The following TMEM132D variants were observed in gnomAD, a reference collection of about 807,000 sequenced individuals.
TMEM132D encodes the protein mature OL transmembrane protein.
A neutral mutation model predicts 62.3 loss-of-function variants in TMEM132D; 21 were observed. The observed-to-expected ratio is 0.34, with a 90% CI of 0.24 to 0.49. TMEM132D has a LOEUF of 0.49. TMEM132D is among the 20% of genes least tolerant of loss of function. The pLI is 0.99. For missense variants in TMEM132D, 1,346 were observed against 1,402.8 expected, an observed-to-expected ratio of 0.96 and a Z score of 0.65; for synonymous variants, 621 against 575.6, an observed-to-expected ratio of 1.08 and a Z score of -1.13.
chr12:129,805,608 A>T (rs112528304), intron 1 of TMEM132D, among the ~76,000 whole-genome samples: 2 of 152,048 alleles, frequency 1.3e-5, no homozygotes, highest in Non-Finnish European at 2.9e-5. Flanking sequence ...AACCTAGGCA[A>T]TACCATTCAG....
At chr12:129,301,223 CTGTT>C (rs1259194611) in intron 4 of TMEM132D, among the ~76,000 whole-genome samples, 2 of 152,130 alleles carry the variant, frequency 1.3e-5, no homozygotes, top group East Asian at 3.9e-4. Context: ...TTGTGCTGTC[CTGTT>C]TATTTAAGCT....
At chr12:129,293,625 C>T (rs1426674965) in intron 4 of TMEM132D, among the ~76,000 whole-genome samples, 1 of 152,150 alleles carries the variant, frequency 6.6e-6, no homozygotes, top group Non-Finnish European at 1.5e-5. Context: ...ATGGTCCCAT[C>T]TGGGGGTGAT....
intron 1 of TMEM132D, among the ~76,000 whole-genome samples, chr12:129,778,354 A>G (rs146645691): frequency 3.3e-4 from 50 of 152,190 alleles, no homozygotes; most frequent in African/African-American, 1.2e-3. Context: ...AACCCAGGGT[A>G]TACTTTTAGC....
intron 4 of TMEM132D, among the ~76,000 whole-genome samples, chr12:129,235,345 A>G (rs1406208504): frequency 1.3e-5 from 2 of 152,094 alleles, no homozygotes; most frequent in African/African-American, 4.8e-5. Context: ...CCATCACCTC[A>G]ACAAAGTTCA....
At chr12:129,321,055 T>C (rs947197940) in intron 4 of TMEM132D, among the ~76,000 whole-genome samples, 1 of 152,096 alleles carries the variant, frequency 6.6e-6, no homozygotes, top group African/African-American at 2.4e-5. Flanking sequence ...TTCTCTATCA[T>C]CTATATTCAT....
In TMEM132D at chr12:129,640,153, A is replaced by G. The variant is rs575364851; in HGVS notation, c.968+59657T>C. Among the ~76,000 whole-genome samples, 13 of 151,940 alleles carry G rather than the reference A, an allele frequency of 8.6e-5. No individual in the cohort carries two copies. In the South Asian group the frequency reaches 2.5e-3, roughly 29 times the overall value. The stretch of plus-strand genomic sequence containing the variant: ...CTCGCCTATTAATATTTCCCCTACC[A>G]TTTCTCCTTCACTTGCTTCAGGGGC... On this transcript the variant is annotated intron_variant, in intron 2 of 8. Transcript: ENST00000422113.
intron 4 of TMEM132D, among the ~76,000 whole-genome samples, chr12:129,332,005 G>C (rs894553238): frequency 1.1e-4 from 17 of 152,192 alleles, no homozygotes; most frequent in Admixed American, 2.0e-4. Context: ...GAGGCCAGGA[G>C]TTCGAGACTA....
intron 3 of TMEM132D, among the ~76,000 whole-genome samples, chr12:129,399,850 G>C (rs1871564228): frequency 6.6e-6 from 1 of 151,820 alleles, no homozygotes; most frequent in Non-Finnish European, 1.5e-5. Flanking sequence ...GATGAACAGG[G>C]AAAGCAGTTT....
chr12:129,828,861 A>G (rs769122392), intron 1 of TMEM132D, among the ~76,000 whole-genome samples: 44 of 149,164 alleles, frequency 2.9e-4, no homozygotes, highest in South Asian at 2.2e-4. Flanking sequence ...CCTCTAGAGG[A>G]AAAAATTATT....
intron 3 of TMEM132D, among the ~76,000 whole-genome samples, chr12:129,491,707 C>A (rs1169175920): frequency 2.6e-5 from 4 of 152,086 alleles, no homozygotes; most frequent in East Asian, 1.9e-4. Context: ...TTTGGGAGGC[C>A]GAGGTGGGTA....
At chr12:129,173,041 T>TA (rs1391360310) in intron 5 of TMEM132D, among the ~76,000 whole-genome samples, 4 of 152,160 alleles carry the variant, frequency 2.6e-5, no homozygotes, top group Non-Finnish European at 4.4e-5. Flanking sequence ...ATTATAATAG[T>TA]AACAGCAAAG....
intron 3 of TMEM132D, among the ~76,000 whole-genome samples, chr12:129,347,197 G>GA (rs1292482141): frequency 1.3e-5 from 2 of 152,010 alleles, no homozygotes; most frequent in South Asian, 2.1e-4. Context: ...CACAGAACTA[G>GA]AAAAAAACTA....
chr12:129,184,543 G>A (rs1184128971), intron 5 of TMEM132D, among the ~76,000 whole-genome samples: 1 of 152,224 alleles, frequency 6.6e-6, no homozygotes, highest in Non-Finnish European at 1.5e-5. Context: ...AGCCCAGAAG[G>A]GCTGGGGTGG....
intron 1 of TMEM132D, among the ~76,000 whole-genome samples, chr12:129,766,255 G>GGTT (rs3046903): frequency 0.96 from 146,277 of 152,122 alleles, 70,588 homozygotes; most frequent in East Asian, 1. Flanking sequence ...ACTACTTAGA[G>GGTT]ATTAGCCCTG....
chr12:129,662,812 A>AAAGAGAG (rs1555224287), intron 2 of TMEM132D, among the ~76,000 whole-genome samples: 2 of 83,396 alleles, frequency 2.4e-5, no homozygotes, highest in Non-Finnish European at 4.4e-5. Flanking sequence ...AAAAAAAAAA[A>AAAGAGAG]AGAGAGAGAG....
chr12:129,375,338 C>T lies in TMEM132D; in HGVS notation c.1116-37521G>A, dbSNP rs11060291. 8.6e-3 allele frequency among the ~76,000 whole-genome samples: 1,306 copies of T among 152,282 alleles called. 13 individuals are homozygous for T. Among genetic ancestry groups the T allele is most frequent in the African/African-American group, 0.03 (1,232 of 41,560 alleles). ...GGTTAAACATCTGTGGTTGTGTCTACACTGCAGACAAAATTCGTGTTTAGA... is the reference window on the plus strand; with the variant it reads ...GGTTAAACATCTGTGGTTGTGTCTATACTGCAGACAAAATTCGTGTTTAGA... On this transcript the variant is annotated intron_variant, in intron 3 of 8. Transcript: ENST00000422113.
chr12:129,741,989 C>T (rs1869624255), intron 1 of TMEM132D, among the ~76,000 whole-genome samples: 1 of 152,154 alleles, frequency 6.6e-6, no homozygotes, highest in Admixed American at 6.5e-5. Context: ...CCCAAACTAA[C>T]AACATCTACA....
Position 129,699,832 on chromosome 12 carries a change from T to C in TMEM132D, c.946A>G (p.Thr316Ala), listed in dbSNP as rs1340104992. The change falls in exon 2 of 9, where the codon ACT becomes GCT. Residue 316 changes from threonine (T) to alanine (A), a missense_variant. By Grantham distance (58) the Thr-to-Ala change is moderately conservative (BLOSUM62 0). Coordinates refer to ENST00000422113, the MANE Select transcript of TMEM132D (RefSeq NM_133448.3). The part of the protein sequence containing the change: ...TFPVSISRNS[T>A]EDRFTLRAKV... ...TACCTCAACGTGAAGCGATCTTCAGTGGAATTTCTGGAGATGGAAACAGGA... is the reference window on the plus strand; with the variant it reads ...TACCTCAACGTGAAGCGATCTTCAGCGGAATTTCTGGAGATGGAAACAGGA... 6.2e-7 allele frequency: 1 copy of C among 1,614,022 alleles called. No individual in the cohort carries two copies. Among genetic ancestry groups the C allele is most frequent in the Non-Finnish European group, 8.5e-7 (1 of 1,179,980 alleles).
intron 3 of TMEM132D, among the ~76,000 whole-genome samples, chr12:129,450,689 C>G (rs1821999545): frequency 6.6e-6 from 1 of 151,798 alleles, no homozygotes; most frequent in African/African-American, 2.4e-5. Flanking sequence ...CATGAGAGCC[C>G]ATTCAGGCAA....
Sources: gnomAD v4.1 joint callset for allele counts (sites outside exome capture counted in the v4.1 genomes callset) on GRCh38, gnomAD v4.1.1 for gene constraint, MANE v1.5 for transcripts, NCBI Gene and HGNC (gene_info 2026-07-23, HGNC 2026-07-21) for gene names.